The following LNPK variants were observed in gnomAD, a reference collection of about 807,000 sequenced individuals.
LNPK encodes the protein endoplasmic reticulum junction formation protein lunapark.
LNPK carries 29 observed loss-of-function variants against 55.2 expected under a neutral mutation model. The ratio of observed to expected loss-of-function variants is 0.53; its 90% CI spans 0.39 to 0.72. The LOEUF is 0.72. Among genes scored for constraint, LNPK ranks in the 30% least tolerant of loss-of-function variants. LNPK has a pLI of 0.00. For synonymous variants in LNPK, 162 were observed against 168.2 expected (o/e 0.96, Z 0.29); for missense variants, 467 against 494.8 (o/e 0.94, Z 0.53).
At chr2:175,994,663 G>A (rs1687850897) in intron 2 of LNPK, among the ~76,000 whole-genome samples, 1 of 151,906 alleles carries the variant, frequency 6.6e-6, no homozygotes, top group Admixed American at 6.5e-5. Context: ...GGGATTGCAG[G>A]CGCCCACCAC....
intron 5 of LNPK, among the ~76,000 whole-genome samples, chr2:175,971,251 C>T (rs374210689): frequency 5.9e-5 from 9 of 151,910 alleles, no homozygotes; most frequent in African/African-American, 2.2e-4. Flanking sequence ...ATATTAAGCA[C>T]GACTTTTTAA....
At chr2:175,967,548 G>A (rs1432591979) in intron 6 of LNPK, 15 of 643,948 alleles carry the variant, frequency 2.3e-5, no homozygotes, top group Non-Finnish European at 2.9e-5. Context: ...TATTCCAGAT[G>A]TAAGAAAACT....
chr2:175,968,007 T>C (rs1686456895), intron 6 of LNPK, among the ~76,000 whole-genome samples: 1 of 152,360 alleles, frequency 6.6e-6, no homozygotes, highest in South Asian at 2.1e-4. Context: ...TATACATTTA[T>C]ATAAATTATA....
chr2:175,955,413 T>C (rs1177329536), intron 8 of LNPK, among the ~76,000 whole-genome samples: 1 of 152,188 alleles, frequency 6.6e-6, no homozygotes, highest in African/African-American at 2.4e-5. Flanking sequence ...CTCAGTAAAG[T>C]AGCTCTAACT....
intron 8 of LNPK, among the ~76,000 whole-genome samples, chr2:175,952,297 T>A (rs370323106): frequency 6.6e-6 from 1 of 151,976 alleles, no homozygotes; most frequent in Non-Finnish European, 1.5e-5. Flanking sequence ...CCTATTCACA[T>A]ATGCAAATGT....
chr2:175,974,082 C>T (rs1473996792), intron 5 of LNPK, among the ~76,000 whole-genome samples: 1 of 152,024 alleles, frequency 6.6e-6, no homozygotes. Context: ...TTTTTATGAC[C>T]ATTGCTTTCT....
intron 4 of LNPK, among the ~76,000 whole-genome samples, chr2:175,991,634 T>C (rs1455751045): frequency 1.3e-5 from 2 of 152,238 alleles, no homozygotes; most frequent in East Asian, 1.9e-4. Context: ...CAGAGAATTT[T>C]GTATTTTTAT....
intron 8 of LNPK, among the ~76,000 whole-genome samples, chr2:175,957,925 A>G (rs819036): frequency 0.58 from 88,323 of 152,190 alleles, 26,500 homozygotes; most frequent in African/African-American, 0.72. Context: ...CTGGTTTGGC[A>G]GATCCTATGC....
chr2:176,000,559 C>G (rs1688123918), intron 1 of LNPK, among the ~76,000 whole-genome samples: 2 of 152,164 alleles, frequency 1.3e-5, no homozygotes, highest in Non-Finnish European at 2.9e-5. Flanking sequence ...ATAGATTGCT[C>G]TCATTTTCTC....
intron 6 of LNPK, 71 bp from the exon 7 acceptor site, chr2:175,964,660 A>G: frequency 5.0e-6 from 4 of 805,064 alleles, no homozygotes; most frequent in Non-Finnish European, 6.4e-6. Context: ...AGTCCTATTC[A>G]AAAAGGTTTA....
chr2:175,967,995 T>G (rs2105643326), intron 6 of LNPK, among the ~76,000 whole-genome samples: 1 of 152,356 alleles, frequency 6.6e-6, no homozygotes, highest in East Asian at 1.9e-4. Context: ...CAAAATATAC[T>G]TTATACATTT....
intron 4 of LNPK, 77 bp from the exon 5 acceptor site, chr2:175,979,945 T>C (rs1687091954): frequency 1.5e-6 from 2 of 1,332,008 alleles, no homozygotes; most frequent in African/African-American, 1.5e-5. Flanking sequence ...AATGAAAACA[T>C]ATATTTCCAA....
chr2:175,986,861 A>C (rs1687438614), intron 4 of LNPK, among the ~76,000 whole-genome samples: 1 of 152,034 alleles, frequency 6.6e-6, no homozygotes, highest in Non-Finnish European at 1.5e-5. Context: ...AAGAATTCCC[A>C]AAAAAACACA....
chr2:175,970,684 T>C, intron 6 of LNPK, 80 bp downstream of exon 6: 4 of 763,338 alleles, frequency 5.2e-6, no homozygotes, highest in Non-Finnish European at 1.8e-6. Flanking sequence ...TGGAGAGTTA[T>C]TAACTTCCAA....
chr2:175,944,167 C>G (rs570875123), intron 9 of LNPK, among the ~76,000 whole-genome samples: 1 of 151,920 alleles, frequency 6.6e-6, no homozygotes. Context: ...TAAAACAATA[C>G]CATTTACAAT....
At position 176,002,257 on chromosome 2, in the gene LNPK, G is replaced by A. The variant is rs553994410; in HGVS notation, c.-160C>T. 9 of 450,228 alleles carry A rather than the reference G, an allele frequency of 2.0e-5. No homozygotes were observed. Among genetic ancestry groups the A allele is most frequent in the African/African-American group, 1.6e-4 (8 of 49,400 alleles). The allele number at this position is 450,228 out of a possible 1,614,324, so 27.9% of individuals were successfully genotyped here. A position where few individuals can be genotyped will look rare whatever the true frequency, so the allele number is the denominator to read the frequency against. On this transcript the variant is annotated 5_prime_UTR_variant, in exon 1 of 13. Coordinates refer to ENST00000272748, the MANE Select transcript of LNPK (RefSeq NM_030650.3). ...TCCAGAGCAGGCAGCAGCCGCCACTGACAGAGAGACAAGCCGGGCCAACTC... is the reference window on the plus strand; with the variant it reads ...TCCAGAGCAGGCAGCAGCCGCCACTAACAGAGAGACAAGCCGGGCCAACTC...
intron 4 of LNPK, among the ~76,000 whole-genome samples, chr2:175,991,190 A>G (rs1047842688): frequency 2.0e-5 from 3 of 152,148 alleles, no homozygotes; most frequent in African/African-American, 7.2e-5. Context: ...ATTTTTGAGT[A>G]TTTAAAAGTG....
At chr2:175,992,037 C>A (rs997860939) in intron 4 of LNPK, among the ~76,000 whole-genome samples, 194 bp downstream of exon 4, 1 of 152,016 alleles carries the variant, frequency 6.6e-6, no homozygotes, top group African/African-American at 2.4e-5. Context: ...TAATATTCCT[C>A]AGGTATATTG....
chr2:175,935,488 CTG>C (rs1430143248), intron 12 of LNPK, among the ~76,000 whole-genome samples: 1 of 152,202 alleles, frequency 6.6e-6, no homozygotes, highest in Admixed American at 6.5e-5. Context: ...GAATTGATAA[CTG>C]TGTGTCACAG....
Sources: gnomAD v4.1 joint callset for allele counts (sites outside exome capture counted in the v4.1 genomes callset) on GRCh38, gnomAD v4.1.1 for gene constraint, MANE v1.5 for transcripts, NCBI Gene and HGNC (gene_info 2026-07-23, HGNC 2026-07-21) for gene names.